NXN: variants seen among roughly 807,000 people sequenced by gnomAD.
NXN encodes the protein nucleoredoxin 1.
In NXN, 16 loss-of-function variants were observed where a neutral mutation model predicts 48.6. The observed-to-expected ratio is 0.33, with a 90% CI of 0.22 to 0.50. The LOEUF (loss-of-function observed/expected upper bound fraction) is 0.50. Among genes scored for constraint, NXN ranks in the 20% least tolerant of loss-of-function variants. The probability of loss-of-function intolerance (pLI) is 0.98; values close to 1 mark genes in which losing one functional copy is unlikely to be tolerated. For missense variants in NXN, 492 were observed against 605.5 expected (o/e 0.81, Z 1.97); for synonymous variants, 281 against 269.6 (o/e 1.04, Z -0.41).
In NXN at chr17:819,544, A is replaced by G; in HGVS notation, c.715T>C (p.Ser239Pro). Reference protein sequence around the residue: ...FEIIFVSADRSEESFKQYFSE... With the variant: ...FEIIFVSADRPEESFKQYFSE... ...AAGTACTGTTTGAAGGACTCCTCCGACCTACAGAGAGACACACGTGGCGGG... is the reference window on the plus strand; with the variant it reads ...AAGTACTGTTTGAAGGACTCCTCCGGCCTACAGAGAGACACACGTGGCGGG... The change falls in exon 5 of 8, where the codon TCG becomes CCG. Residue 239 changes from serine to proline, a missense_variant and splice_region_variant. Physicochemically the swap from Ser to Pro is moderately conservative, Grantham distance 74. Coordinates refer to ENST00000336868, the MANE Select transcript of NXN (RefSeq NM_022463.5). 1 of 1,589,906 alleles carries G rather than the reference A, an allele frequency of 6.3e-7. No homozygotes were observed. Among genetic ancestry groups the G allele is most frequent in the Non-Finnish European group, 8.6e-7 (1 of 1,165,062 alleles).
intron 5 of NXN, among the ~76,000 whole-genome samples, chr17:815,940 C>T (rs368507453): frequency 6.6e-6 from 1 of 152,136 alleles, no homozygotes; most frequent in South Asian, 2.1e-4. Flanking sequence ...TTAGGGGAGT[C>T]GGAGGAAGAC....
Position 932,323 on chromosome 17 carries a change from G to A in NXN, c.360+46996C>T, listed in dbSNP as rs565175873. Among the ~76,000 whole-genome samples the A allele has an allele frequency of 3.9e-5, 6 of 152,122 alleles. No individual in the cohort carries two copies. The highest frequency in any genetic ancestry group is 1.2e-4 in the African/African-American group (5 of 41,438). On this transcript the variant is annotated intron_variant, in intron 1 of 7. Transcript: ENST00000336868. The surrounding 1 kb of genome is among the most constrained non-coding windows in gnomAD (Gnocchi z 4.1). ...TCTGGTCCCTGGACGTACGGCTTCCGGGTTGCCTGGGAACTGTTGCTAGAA... is the reference window on the plus strand; with the variant it reads ...TCTGGTCCCTGGACGTACGGCTTCCAGGTTGCCTGGGAACTGTTGCTAGAA...
chr17:900,190 G>C (rs987355339), intron 1 of NXN, among the ~76,000 whole-genome samples: 12 of 144,120 alleles, frequency 8.3e-5, no homozygotes, highest in Middle Eastern at 3.2e-3. Context: ...GCTTGAACCC[G>C]GGGGGGCAGA....
At chr17:950,466 A>C (rs2069096325) in intron 1 of NXN, among the ~76,000 whole-genome samples, 1 of 151,174 alleles carries the variant, frequency 6.6e-6, no homozygotes, top group Admixed American at 6.6e-5. Flanking sequence ...TGGGGTGCAA[A>C]CGGCCGGGCC....
intron 1 of NXN, among the ~76,000 whole-genome samples, chr17:895,499 A>G (rs887391086): frequency 6.6e-6 from 1 of 152,114 alleles, no homozygotes; most frequent in African/African-American, 2.4e-5. Flanking sequence ...AGCTGCTACA[A>G]TAATACTTTC....
chr17:840,824 A>ATGC (rs1914125419), intron 1 of NXN, among the ~76,000 whole-genome samples: 1 of 152,146 alleles, frequency 6.6e-6, no homozygotes, highest in South Asian at 2.1e-4. Flanking sequence ...GTTGCTCCAA[A>ATGC]TGCTGTCAAA....
chr17:890,636 C>T (rs553012322), intron 1 of NXN, among the ~76,000 whole-genome samples: 12 of 152,186 alleles, frequency 7.9e-5, no homozygotes, highest in Middle Eastern at 6.8e-3. Flanking sequence ...CCACCTCGGC[C>T]GCCCAAAGTG....
chr17:811,801 C>T (rs763360902), intron 5 of NXN, among the ~76,000 whole-genome samples: 2 of 152,128 alleles, frequency 1.3e-5, no homozygotes, highest in African/African-American at 2.4e-5. Flanking sequence ...CCACCCGTAC[C>T]GCCCCCCAGA....
At chr17:856,811 G>C (rs1234862317) in intron 1 of NXN, among the ~76,000 whole-genome samples, 1 of 152,098 alleles carries the variant, frequency 6.6e-6, no homozygotes, top group African/African-American at 2.4e-5. Context: ...CCAGTATCCT[G>C]TTCACACTGC....
At chr17:842,425 G>A (rs1039479500) in intron 1 of NXN, 41 of 737,772 alleles carry the variant, frequency 5.6e-5, no homozygotes, top group East Asian at 1.3e-4. Context: ...GCCCGGGTCC[G>A]GCTGTGGGCT....
At position 917,522 on chromosome 17, in the gene NXN, CT is replaced by C. The variant is rs2068700691; in HGVS notation, c.360+61796del. On this transcript the variant is annotated intron_variant, in intron 1 of 7. Transcript: ENST00000336868. The surrounding 1 kb of genome is among the most constrained non-coding windows in gnomAD (Gnocchi z 4.5). ...GAAACCACACCAGCTCCTCCTCTTC[CT>C]TCTGGACCTGCTGTCCCACCCTACG... Among the ~76,000 whole-genome samples, 1 of 152,256 alleles carries C rather than the reference CT, an allele frequency of 6.6e-6. No individual in the cohort carries two copies. The highest frequency in any genetic ancestry group is 1.5e-5 in the Non-Finnish European group (1 of 68,042).
chr17:828,896 G>A (rs932356143), intron 1 of NXN, among the ~76,000 whole-genome samples: 4 of 119,552 alleles, frequency 3.3e-5, no homozygotes, highest in Admixed American at 8.8e-5. Context: ...AATTTTTCTG[G>A]TTTAAAAAGG....
rs552669068 is a variant in NXN, at chr17:919,067, T to TAAAAAA, written c.360+60246_360+60251dup. Among the ~76,000 whole-genome samples, 1 of 145,106 alleles carries TAAAAAA rather than the reference T, an allele frequency of 6.9e-6. No homozygotes were observed. Among genetic ancestry groups the TAAAAAA allele is most frequent in the Non-Finnish European group, 1.5e-5 (1 of 65,694 alleles). On this transcript the variant is annotated intron_variant, in intron 1 of 7. Transcript: ENST00000336868. This position sits in a 1 kb window ranked among gnomAD's most constrained non-coding sequence, Gnocchi z 5.1. ...GCAACAGAGTAAGACCCTATTGCTT[T>TAAAAAA]AAAAAAAAAAAATGTTTCAGCCAGG...
chr17:877,011 C>T (rs1024677600), intron 1 of NXN, among the ~76,000 whole-genome samples: 1 of 151,534 alleles, frequency 6.6e-6, no homozygotes, highest in Admixed American at 6.6e-5. Context: ...ACCCAGTAGG[C>T]AGAGGTTGCA....
chr17:967,988 TA>T (rs1441626333), intron 1 of NXN, among the ~76,000 whole-genome samples: 15 of 151,652 alleles, frequency 9.9e-5, no homozygotes, highest in African/African-American at 3.4e-4. Context: ...AAAAAAAAAT[TA>T]GGAGACAATC....
In NXN at chr17:854,903, G is replaced by T. The variant is rs1404912887; in HGVS notation, c.361-28825C>A. Among the ~76,000 whole-genome samples, 4 of 151,750 alleles carry T rather than the reference G, an allele frequency of 2.6e-5. No homozygotes were observed. In the East Asian group the frequency reaches 5.8e-4, roughly 22 times the overall value. On this transcript the variant is annotated intron_variant, in intron 1 of 7. Coordinates refer to ENST00000336868, the MANE Select transcript of NXN (RefSeq NM_022463.5). ...GAACCCAGGAGGCGGAGGTTGCAGT[G>T]AGCCAAGATCACACTACTGCACTCC...
At chr17:929,793 T>A (rs1456085642) in intron 1 of NXN, 3 of 146,608 alleles carry the variant, frequency 2.0e-5, no homozygotes, top group Non-Finnish European at 4.6e-5. Context: ...CACTTCCGTT[T>A]TTAATCTTCT....
At chr17:840,906 C>G (rs1487537506) in intron 1 of NXN, among the ~76,000 whole-genome samples, 1 of 152,180 alleles carries the variant, frequency 6.6e-6, no homozygotes, top group African/African-American at 2.4e-5. Context: ...ACAACCACTG[C>G]CCCCACAAGC....
chr17:840,638 C>T (rs556617073), intron 1 of NXN, among the ~76,000 whole-genome samples: 102 of 151,020 alleles, frequency 6.8e-4, no homozygotes, highest in African/African-American at 2.0e-3. Context: ...CGCGCCCGGC[C>T]GGCGTGCAGA....
Sources: gnomAD v4.1 joint callset for allele counts (sites outside exome capture counted in the v4.1 genomes callset) on GRCh38, gnomAD v4.1.1 for gene constraint, Gnocchi (gnomAD v3.1) non-coding constraint, MANE v1.5 for transcripts, NCBI Gene and HGNC (gene_info 2026-07-23, HGNC 2026-07-21) for gene names.